GTPBP6: variants seen among roughly 807,000 people sequenced by gnomAD.
GTPBP6 encodes putative GTP-binding protein 6.
A neutral mutation model predicts 28.9 loss-of-function variants in GTPBP6; 33 were observed. The ratio of observed to expected loss-of-function variants is 1.14; its 90% CI spans 0.87 to 1.53. The LOEUF is 1.53. GTPBP6 is among the 40% of genes most tolerant of loss of function. The probability of loss-of-function intolerance (pLI) is 0.00; values close to 1 mark genes in which losing one functional copy is unlikely to be tolerated. For synonymous variants in GTPBP6, 231 were observed against 192.7 expected (o/e 1.20, Z -1.65); for missense variants, 507 against 408.3 (o/e 1.24, Z -2.08).
Position 307,357 on chromosome X carries a change from C to A in GTPBP6, c.1427+3G>T, listed in dbSNP as rs1282457481. 1.2e-6 allele frequency: 2 copies of A among 1,611,782 alleles called. No individual in the cohort carries two copies. Among genetic ancestry groups the A allele is most frequent in the South Asian group, 2.2e-5 (2 of 90,996 alleles). On this transcript the variant is annotated splice_donor_region_variant and intron_variant, in intron 9 of 9. Coordinates refer to ENST00000326153, the Ensembl canonical transcript of GTPBP6. ...CCGTCTCCTGCCCCTGCAGGCCGCTCACCTGAGCTGCGCCCCTGCGAGCCT... is the reference window on the plus strand; with the variant it reads ...CCGTCTCCTGCCCCTGCAGGCCGCTAACCTGAGCTGCGCCCCTGCGAGCCT...
intron 2 of GTPBP6, 90 bp downstream of exon 2, chrX:316,824 C>A (rs2070448595): frequency 5.0e-6 from 2 of 399,144 alleles, no homozygotes; most frequent in Non-Finnish European, 4.4e-6. Flanking sequence ...CCGCAAGACC[C>A]CCGTACTTCA....
At chrX:311,232 G>A (rs749152761) in intron 7 of GTPBP6, among the ~76,000 whole-genome samples, 187 bp downstream of exon 7, 1,205 of 76,682 alleles carry the variant, frequency 0.016, 42 homozygotes, top group African/African-American at 0.061. Flanking sequence ...GTGTGTCTGA[G>A]TGCCTGGTCC....
At chrX:314,296 G>T (rs2070382925) in intron 4 of GTPBP6, 79 bp from the exon 5 acceptor site, 4 of 1,204,462 alleles carry the variant, frequency 3.3e-6, no homozygotes, top group East Asian at 4.7e-5. Flanking sequence ...AGGTGAAGGG[G>T]GCACTGAGCT....
intron 9 of GTPBP6, among the ~76,000 whole-genome samples, chrX:307,110 G>A (rs1055154069): frequency 6.6e-6 from 1 of 151,024 alleles, no homozygotes; most frequent in South Asian, 2.1e-4. Flanking sequence ...CATTTTGACT[G>A]TCAGCACAGA....
chrX:316,798 C>A (rs1214860804), intron 2 of GTPBP6, 116 bp downstream of exon 2: 2 of 398,400 alleles, frequency 5.0e-6, no homozygotes, highest in Non-Finnish European at 8.8e-6. Context: ...TCCGAGAGGC[C>A]GCTTCCCCTC....
intron 2 of GTPBP6, among the ~76,000 whole-genome samples, chrX:316,677 C>G (rs1334738693): frequency 2.0e-5 from 3 of 152,148 alleles, no homozygotes; most frequent in African/African-American, 7.2e-5. Context: ...CTGCCCCGAC[C>G]TAATCTTTAC....
chrX:318,675 G>T (rs2124483305), exon 1 of GTPBP6: 1 of 393,966 alleles, frequency 2.5e-6, no homozygotes, highest in African/African-American at 2.1e-5. Context: ...GCGGCCGACA[G>T]CGGCTAGCGC....
intron 6 of GTPBP6, 31 bp from the exon 7 acceptor site, chrX:311,658 G>A (rs1205256414): frequency 1.3e-6 from 2 of 1,549,200 alleles, no homozygotes; most frequent in African/African-American, 1.4e-5. Context: ...GGGCGCTGCA[G>A]AGATCCCTGC....
In GTPBP6 at chrX:316,240, CACAT is replaced by C. The variant is rs1473460034; in HGVS notation, c.487+670_487+673del. Among the ~76,000 whole-genome samples, 3 of 77,978 alleles carry C rather than the reference CACAT, an allele frequency of 3.8e-5. 1 individual carries two copies. The highest frequency in any genetic ancestry group is 1.3e-4 in the Admixed American group (1 of 7,570). 51.2% of individuals were successfully genotyped at this position (77,978 alleles called of 152,430 possible). ...AAACACATCCCAGCAGGGACACAAA[CACAT>C]ACACACGCAGACACACACACAGACA... On this transcript the variant is annotated intron_variant, in intron 2 of 9. Transcript: ENST00000326153.
chrX:315,177 C>T (rs1290156873), intron 3 of GTPBP6, 52 bp downstream of exon 3: 6 of 63,504 alleles, frequency 9.4e-5, no homozygotes, highest in African/African-American at 2.7e-4. Flanking sequence ...GCGTCCCCTC[C>T]TTCATCGCGT....
At chrX:312,132 G>A (rs2070314904) in intron 6 of GTPBP6, 1 of 468,572 alleles carries the variant, frequency 2.1e-6, no homozygotes, top group South Asian at 1.6e-5. Flanking sequence ...GTATAGATGG[G>A]GCAGTGGTGC....
chrX:315,614 C>CAGACACACAGACAGACACACAG (rs2070418370), intron 2 of GTPBP6, among the ~76,000 whole-genome samples: 4 of 134,512 alleles, frequency 3.0e-5, no homozygotes, highest in South Asian at 2.4e-4. Flanking sequence ...GGGACAGACA[C>CAGACACACAGACAGACACACAG]AGACACACAG....
rs374521828 is a variant in GTPBP6, at chrX:312,750, C to T, written c.916+16G>A. ...ACGGAGACCGCGGAAGGCCCCTCCC[C>T]TGGGCGCGTGCTCACCGCAGTTGGT... On this transcript the variant is annotated intron_variant, in intron 6 of 9. Coordinates refer to ENST00000326153, the Ensembl canonical transcript of GTPBP6. The T allele has an allele frequency of 1.1e-4, 182 of 1,595,928 alleles. 1 individual carries two copies. The highest frequency in any genetic ancestry group is 6.7e-5 in the Non-Finnish European group (79 of 1,172,620).
chrX:308,925 C>G (rs1192943232), intron 7 of GTPBP6, among the ~76,000 whole-genome samples: 1 of 151,808 alleles, frequency 6.6e-6, no homozygotes, highest in Non-Finnish European at 1.5e-5. Context: ...TTAGTAGAGA[C>G]GGGATTTCGC....
At chrX:311,577 G>A (rs759901566) in exon 7 of GTPBP6, 9 of 1,612,210 alleles carry the variant, frequency 5.6e-6, no homozygotes, top group East Asian at 2.2e-5. Context: ...AGCTGGTCCC[G>A]TGGCTGGATG....
intron 2 of GTPBP6, among the ~76,000 whole-genome samples, chrX:315,585 CAGT>C (rs2070416941): frequency 1.7e-4 from 9 of 52,702 alleles, no homozygotes; most frequent in East Asian, 6.1e-4. Flanking sequence ...CACACACACA[CAGT>C]AAATACATCC....
Position 311,638 on chromosome X carries a change from G to A in GTPBP6, c.917-11C>T, listed in dbSNP as rs767960047. The stretch of plus-strand genomic sequence containing the variant: ...TCAGCGTGGTCTTTCCTAGGAGGGC[G>A]TGGAGGTCAGGGCGCTGCAGAGATC... On this transcript the variant is annotated splice_polypyrimidine_tract_variant and intron_variant, in intron 6 of 9. Coordinates refer to ENST00000326153, the Ensembl canonical transcript of GTPBP6. 51 of 1,604,914 alleles carry A rather than the reference G, an allele frequency of 3.2e-5. No homozygotes were observed. Among genetic ancestry groups the A allele is most frequent in the Middle Eastern group, 2.2e-4 (1 of 4,610 alleles).
intron 9 of GTPBP6, among the ~76,000 whole-genome samples, chrX:306,261 T>C (rs757930694): frequency 1.3e-5 from 2 of 148,666 alleles, no homozygotes; most frequent in South Asian, 4.2e-4. Flanking sequence ...GAAATGTACA[T>C]TTTGACTGTC....
chrX:306,520 T>G (rs2070168798), intron 9 of GTPBP6, among the ~76,000 whole-genome samples: 1 of 144,608 alleles, frequency 6.9e-6, no homozygotes, highest in Non-Finnish European at 1.5e-5. Context: ...CAGTCAGAAA[T>G]GTACATTTTG....
Sources: gnomAD v4.1 joint callset for allele counts (sites outside exome capture counted in the v4.1 genomes callset) on GRCh38, gnomAD v4.1.1 for gene constraint, MANE v1.5 for transcripts, NCBI Gene and HGNC (gene_info 2026-07-23, HGNC 2026-07-21) for gene names.